Variants in PCDH15 observed in about 807,000 individuals in gnomAD.
The protein encoded by PCDH15 is protocadherin related 15, also known as protocadherin-15.
In PCDH15, 129 loss-of-function variants were observed where a neutral mutation model predicts 178.5. That is an observed-to-expected ratio of 0.72 (90% confidence interval 0.63 to 0.84). PCDH15 has a LOEUF of 0.84. Among genes scored for constraint, PCDH15 ranks in the 40% least tolerant of loss-of-function variants. The pLI is 0.00. For missense variants in PCDH15, 2,230 were observed against 2,099.9 expected (o/e 1.06, Z -1.21); for synonymous variants, 800 against 732.0 (o/e 1.09, Z -1.50).
chr10:54,970,011 A>G (rs1039534279), intron 2 of PCDH15, among the ~76,000 whole-genome samples: 1 of 152,192 alleles, frequency 6.6e-6, no homozygotes, highest in African/African-American at 2.4e-5. Flanking sequence ...GCTGAAATGT[A>G]ATCTCCAATG....
At chr10:55,571,238 T>C (rs1443171674) in intron 2 of PCDH15, among the ~76,000 whole-genome samples, 1 of 152,028 alleles carries the variant, frequency 6.6e-6, no homozygotes, top group Admixed American at 6.6e-5. Context: ...CCTTTCACCA[T>C]GATTGGAAGT....
intron 13 of PCDH15, among the ~76,000 whole-genome samples, chr10:54,169,399 G>T (rs2133587336): frequency 7.4e-6 from 1 of 134,238 alleles, no homozygotes; most frequent in East Asian, 2.0e-4. Context: ...ACTGTTGTGG[G>T]TATTGACGGC....
At chr10:54,964,684 T>C (rs1318577999) in intron 2 of PCDH15, among the ~76,000 whole-genome samples, 3 of 152,180 alleles carry the variant, frequency 2.0e-5, no homozygotes, top group Non-Finnish European at 4.4e-5. Context: ...ATGTTAATAA[T>C]ATCACTGATA....
intron 2 of PCDH15, among the ~76,000 whole-genome samples, chr10:54,555,159 G>T (rs551572029): frequency 6.6e-6 from 1 of 152,164 alleles, no homozygotes; most frequent in African/African-American, 2.4e-5. Context: ...ACAGTATCAA[G>T]GTTTCTGATT....
chr10:55,594,341 T>A (rs1481518451), intron 2 of PCDH15, among the ~76,000 whole-genome samples: 1 of 151,766 alleles, frequency 6.6e-6, no homozygotes, highest in Non-Finnish European at 1.5e-5. Flanking sequence ...TGCAAATAAA[T>A]AAGAACTCAA....
chr10:54,812,694 T>TG lies in PCDH15; in HGVS notation c.-29+84755dup, dbSNP rs534172065. ...GGATGATGTCGATCTCTTGACCTCATGATCCGCCTGCCTCGGCCTCCCAAA... is the reference window on the plus strand; with the variant it reads ...GGATGATGTCGATCTCTTGACCTCATGGATCCGCCTGCCTCGGCCTCCCAAA... On this transcript the variant is annotated intron_variant, in intron 3 of 5. Transcript: ENST00000458638. Among the ~76,000 whole-genome samples the TG allele has an allele frequency of 7.9e-5, 12 of 151,888 alleles. No homozygotes were observed. In the East Asian group the frequency reaches 2.3e-3, roughly 30 times the overall value.
intron 16 of PCDH15, among the ~76,000 whole-genome samples, chr10:54,084,996 A>T (rs759053921): frequency 6.5e-4 from 99 of 152,260 alleles, no homozygotes; most frequent in Non-Finnish European, 1.1e-3. Context: ...AGCAATTAAC[A>T]AAAACCTACT....
intron 15 of PCDH15, among the ~76,000 whole-genome samples, chr10:54,122,286 A>T (rs2041603451): frequency 6.6e-6 from 1 of 152,178 alleles, no homozygotes; most frequent in Non-Finnish European, 1.5e-5. Flanking sequence ...ACCTCGAGAG[A>T]CGCGGAAAAA....
intron 2 of PCDH15, among the ~76,000 whole-genome samples, chr10:55,493,464 C>T (rs1840466964): frequency 6.6e-6 from 1 of 151,318 alleles, no homozygotes; most frequent in Non-Finnish European, 1.5e-5. Context: ...ATTGATTGAG[C>T]CCAGGAGGTC....
chr10:53,821,000 GA>G (rs2076241283), intron 32 of PCDH15: 2 of 661,466 alleles, frequency 3.0e-6, no homozygotes, highest in Non-Finnish European at 1.9e-6. Flanking sequence ...GGAATCTTAT[GA>G]AAAAATTTAA....
rs552611577 is a variant in PCDH15 at position 55,487,073 on chromosome 10, T to A, written c.-156+140552A>T. 1.3e-4 allele frequency among the ~76,000 whole-genome samples: 20 copies of A among 151,804 alleles called. No individual in the cohort carries two copies. In the South Asian group the frequency reaches 4.1e-3, roughly 31 times the overall value. On this transcript the variant is annotated intron_variant, in intron 2 of 5. Coordinates refer to the PCDH15 transcript ENST00000613346. ...ATAATGACATTTGGGTACAGTCATTTACAGTATAAAGACATCCTGCTTACT... is the reference window on the plus strand; with the variant it reads ...ATAATGACATTTGGGTACAGTCATTAACAGTATAAAGACATCCTGCTTACT...
chr10:54,211,706 A>G (rs2051455262), intron 10 of PCDH15, among the ~76,000 whole-genome samples: 1 of 152,004 alleles, frequency 6.6e-6, no homozygotes, highest in Non-Finnish European at 1.5e-5. Flanking sequence ...TCCAACAAAA[A>G]CTTTTAGGGC....
At chr10:55,270,563 G>A (rs956859178) in intron 1 of PCDH15, among the ~76,000 whole-genome samples, 2 of 152,010 alleles carry the variant, frequency 1.3e-5, no homozygotes, top group African/African-American at 4.8e-5. Flanking sequence ...CTAATTATCA[G>A]AGAAATGTAA....
At chr10:54,929,997 A>G (rs965123360) in intron 2 of PCDH15, among the ~76,000 whole-genome samples, 1 of 152,146 alleles carries the variant, frequency 6.6e-6, no homozygotes, top group Non-Finnish European at 1.5e-5. Context: ...TTTTCTAACT[A>G]AGAGCAGCCT....
At chr10:54,640,163 T>A (rs2093957522) in intron 2 of PCDH15, among the ~76,000 whole-genome samples, 1 of 152,176 alleles carries the variant, frequency 6.6e-6, no homozygotes, top group African/African-American at 2.4e-5. Context: ...ATAGTTAATG[T>A]TGCTTCCATC....
At chr10:54,657,823 G>A (rs1394590087) in intron 2 of PCDH15, among the ~76,000 whole-genome samples, 2 of 152,176 alleles carry the variant, frequency 1.3e-5, no homozygotes, top group Admixed American at 6.5e-5. Context: ...ATCTCTAAAG[G>A]ATTGTACTTG....
At chr10:54,759,893 CA>C (rs1265770765) in intron 1 of PCDH15, among the ~76,000 whole-genome samples, 1 of 152,140 alleles carries the variant, frequency 6.6e-6, no homozygotes, top group Non-Finnish European at 1.5e-5. Context: ...ATGCCCTGAG[CA>C]AAAACAGTCT....
chr10:54,780,548 CA>C (rs1950257293), intron 1 of PCDH15, among the ~76,000 whole-genome samples: 1 of 151,850 alleles, frequency 6.6e-6, no homozygotes, highest in Non-Finnish European at 1.5e-5. Flanking sequence ...TCACAATCAA[CA>C]TAATCTGACA....
chr10:54,865,968 T>C (rs1226414302), intron 3 of PCDH15, among the ~76,000 whole-genome samples: 7 of 152,168 alleles, frequency 4.6e-5, no homozygotes, highest in African/African-American at 1.4e-4. Flanking sequence ...GGTTTGAAAT[T>C]GGAAGACAGT....
Sources: gnomAD v4.1 joint callset for allele counts (sites outside exome capture counted in the v4.1 genomes callset) on GRCh38, gnomAD v4.1.1 for gene constraint, MANE v1.5 for transcripts, NCBI Gene and HGNC (gene_info 2026-07-23, HGNC 2026-07-21) for gene names.